Variants in PLSCR3 observed in about 807,000 individuals in gnomAD.
PLSCR3 encodes the protein PL scramblase 3.
Under a neutral mutation model 33.7 loss-of-function variants are expected in PLSCR3, and 17 were observed. The observed-to-expected ratio is 0.50, with a 90% confidence interval of 0.35 to 0.76. The LOEUF (loss-of-function observed/expected upper bound fraction) is 0.76. Among genes scored for constraint, PLSCR3 ranks in the 30% least tolerant of loss-of-function variants. The pLI, the probability that PLSCR3 is intolerant of heterozygous loss-of-function variation, is 0.01. For synonymous variants in PLSCR3, 166 were observed against 166.0 expected (o/e 1.00, Z 0.00); for missense variants, 360 against 394.1 (o/e 0.91, Z 0.73).
rs1010883625 is a variant in PLSCR3, at chr17:7,391,516, T to G, written c.670-721A>C. On this transcript the variant is annotated intron_variant, in intron 6 of 7. Transcript: ENST00000619711. This position sits in a 1 kb window ranked among gnomAD's most constrained non-coding sequence, Gnocchi z 4.1. ...TGACTTCCTGGTCCTTTTCCTGTGC[T>G]CGTTCTCCAGTGATTAGAACTGCAG... Among the ~76,000 whole-genome samples the G allele has an allele frequency of 1.1e-4, 16 of 152,236 alleles. No individual in the cohort carries two copies. Among genetic ancestry groups the G allele is most frequent in the African/African-American group, 3.9e-4 (16 of 41,462 alleles).
At position 7,390,249 on chromosome 17, in the gene PLSCR3, G is replaced by A; in HGVS notation, c.*136C>T. Reference sequence around the variant, plus strand: ...AACCACAGGGGCAGGCGGCCAGGGAGTAGGGTAGGGATGGGGCCCCCCTTC... The same window carrying A: ...AACCACAGGGGCAGGCGGCCAGGGAATAGGGTAGGGATGGGGCCCCCCTTC... On this transcript the variant is annotated 3_prime_UTR_variant, in exon 8 of 8. Transcript: ENST00000619711. 1 of 612,392 alleles carries A rather than the reference G, an allele frequency of 1.6e-6. No homozygotes were observed. Among genetic ancestry groups the A allele is most frequent in the South Asian group, 2.2e-5 (1 of 46,304 alleles). 37.9% of individuals were successfully genotyped at this position (612,392 alleles called of 1,614,324 possible).
Position 7,390,318 on chromosome 17 carries a change from G to T in PLSCR3, c.*67C>A. On this transcript the variant is annotated 3_prime_UTR_variant, in exon 8 of 8. Coordinates refer to ENST00000619711, the MANE Select transcript of PLSCR3 (RefSeq NM_020360.4). ...TGGAGGAAAGGGGCTGCCCAGAGGA[G>T]GGGCCAGGGCAGGTGACCATCTGGA... The T allele has an allele frequency of 8.0e-7, 1 of 1,250,306 alleles. No individual in the cohort carries two copies. The highest frequency in any genetic ancestry group is 2.3e-5 in the Admixed American group (1 of 43,192). 77.5% of individuals were successfully genotyped at this position (1,250,306 alleles called of 1,614,324 possible).
intron 5 of PLSCR3, 68 bp downstream of exon 5, chr17:7,393,076 C>T: frequency 3.4e-6 from 5 of 1,479,968 alleles, no homozygotes; most frequent in African/African-American, 1.4e-5. Flanking sequence ...CAGGCCTCAT[C>T]TCAGGTGGAC....
rs1905972972 is a variant in PLSCR3, at chr17:7,394,049, G to A, written c.7+55C>T. ...ATTCCGGGAGGATGTGTTCAAACCC[G>A]GCTCCCAAGTCCGTGGGGGGGATAA... On this transcript the variant is annotated intron_variant, in intron 2 of 7. Coordinates refer to ENST00000619711, the MANE Select transcript of PLSCR3 (RefSeq NM_020360.4). This position sits in a 1 kb window ranked among gnomAD's most constrained non-coding sequence, Gnocchi z 5.3. 3.1e-6 allele frequency: 5 copies of A among 1,592,744 alleles called. No homozygotes were observed. In the Admixed American group the frequency reaches 8.8e-5, roughly 28 times the overall value.
chr17:7,394,346 C>G lies in PLSCR3; in HGVS notation c.-157-79G>C, dbSNP rs1906005713. 2 of 506,788 alleles carry G rather than the reference C, an allele frequency of 3.9e-6. No homozygotes were observed. The highest frequency in any genetic ancestry group is 3.9e-5 in the African/African-American group (2 of 51,584). 31.4% of individuals were successfully genotyped at this position (506,788 alleles called of 1,614,324 possible). A position where few individuals can be genotyped will look rare whatever the true frequency, so the allele number is the denominator to read the frequency against. The stretch of plus-strand genomic sequence containing the variant: ...CTGGATTCCCTCGGGGGCCCCAGAA[C>G]CGCCCCCTCCCTTTGTTCTCCCATC... On this transcript the variant is annotated intron_variant, in intron 1 of 7. Transcript: ENST00000619711. This position sits in a 1 kb window ranked among gnomAD's most constrained non-coding sequence, Gnocchi z 5.3.
chr17:7,392,938 A>G lies in PLSCR3; in HGVS notation c.522T>C (p.Ala174=), dbSNP rs1356216228. ...CGTGGCCAATGGTGGTGCCTGGTGG[A>G]GCCTGTACTTCCATCTGGGAGTGGG... The part of the protein sequence containing the change: ...PCGLQEMEVQ[A]PPGTTIGHVL... Residue 174 remains alanine, a synonymous_variant, in exon 6 of 8, where the codon GCT becomes GCC. Transcript: ENST00000619711. 2 of 1,612,550 alleles carry G rather than the reference A, an allele frequency of 1.2e-6. No homozygotes were observed. The highest frequency in any genetic ancestry group is 2.7e-5 in the African/African-American group (2 of 74,868).
intron 6 of PLSCR3, 111 bp from the exon 7 acceptor site, chr17:7,390,906 T>G: frequency 1.9e-6 from 2 of 1,058,574 alleles, no homozygotes; most frequent in South Asian, 2.8e-5. Context: ...CTCCACTCAG[T>G]GAATCTTCCC....
At position 7,391,923 on chromosome 17, in the gene PLSCR3, C is replaced by A. The variant is rs1175887353; in HGVS notation, c.669+868G>T. ...AGGGTCGGTCAGGTGCGGTGGCTCACGCCTGTAATCCCAGCACTTTGGGAG... is the reference window on the plus strand; with the variant it reads ...AGGGTCGGTCAGGTGCGGTGGCTCAAGCCTGTAATCCCAGCACTTTGGGAG... On this transcript the variant is annotated intron_variant, in intron 6 of 7. Transcript: ENST00000619711. This position sits in a 1 kb window ranked among gnomAD's most constrained non-coding sequence, Gnocchi z 4.1. Among the ~76,000 whole-genome samples, 1 of 152,206 alleles carries A rather than the reference C, an allele frequency of 6.6e-6. No homozygotes were observed. The highest frequency in any genetic ancestry group is 1.5e-5 in the Non-Finnish European group (1 of 68,040).
Position 7,394,458 on chromosome 17 carries a change from C to G in PLSCR3, c.-158+19G>C. 1 of 232,694 alleles carries G rather than the reference C, an allele frequency of 4.3e-6. No individual in the cohort carries two copies. Among genetic ancestry groups the G allele is most frequent in the African/African-American group, 2.2e-5 (1 of 44,480 alleles). 14.4% of individuals were successfully genotyped at this position (232,694 alleles called of 1,614,324 possible). A position where few individuals can be genotyped will look rare whatever the true frequency, so the allele number is the denominator to read the frequency against. ...CACCCCAAGGGCGGTCTCCCTGACCCCTCTGTGCCCCCGCTCACCTGGAGC... is the reference window on the plus strand; with the variant it reads ...CACCCCAAGGGCGGTCTCCCTGACCGCTCTGTGCCCCCGCTCACCTGGAGC... On this transcript the variant is annotated intron_variant, in intron 1 of 7. Coordinates refer to ENST00000619711, the MANE Select transcript of PLSCR3 (RefSeq NM_020360.4). This position sits in a 1 kb window ranked among gnomAD's most constrained non-coding sequence, Gnocchi z 5.3.
In PLSCR3 at chr17:7,391,427, A is replaced by G. The variant is rs943049612; in HGVS notation, c.670-632T>C. ...CAGTAAGTAGCCTTTGAGGACCACA[A>G]TTTCCACTGGCTTCTCTGAGCCACA... On this transcript the variant is annotated intron_variant, in intron 6 of 7. Coordinates refer to ENST00000619711, the MANE Select transcript of PLSCR3 (RefSeq NM_020360.4). This position sits in a 1 kb window ranked among gnomAD's most constrained non-coding sequence, Gnocchi z 4.1. Among the ~76,000 whole-genome samples, 2 of 152,168 alleles carry G rather than the reference A, an allele frequency of 1.3e-5. No individual in the cohort carries two copies. Among genetic ancestry groups the G allele is most frequent in the African/African-American group, 4.8e-5 (2 of 41,444 alleles).
rs78740808 is a variant in PLSCR3 at position 7,389,984 on chromosome 17, G to A, written c.*401C>T. The A allele has an allele frequency of 8.0e-3, 1,344 of 167,864 alleles. 14 individuals are homozygous for A. Among genetic ancestry groups the A allele is most frequent in the African/African-American group, 0.03 (1,273 of 41,970 alleles). The allele number at this position is 167,864 out of a possible 1,614,324, so 10.4% of individuals were successfully genotyped here. A position where few individuals can be genotyped will look rare whatever the true frequency, so the allele number is the denominator to read the frequency against. ...GGCCAAGCAGATGCTAGGCAGCGGCGGGGGGGCGGTGGCTATATCCACCGT... is the reference window on the plus strand; with the variant it reads ...GGCCAAGCAGATGCTAGGCAGCGGCAGGGGGGCGGTGGCTATATCCACCGT... On this transcript the variant is annotated 3_prime_UTR_variant, in exon 8 of 8. Transcript: ENST00000619711.
rs1489946127 is a variant in PLSCR3 at position 7,391,860 on chromosome 17, C to T, written c.669+931G>A. 6.6e-6 allele frequency among the ~76,000 whole-genome samples: 1 copy of T among 152,196 alleles called. No individual in the cohort carries two copies. The highest frequency in any genetic ancestry group is 2.4e-5 in the African/African-American group (1 of 41,444). ...CTACTGGATTATACCTGTTGTTTCT[C>T]CCTTATCTGCACAAGCAATTATCCC... On this transcript the variant is annotated intron_variant, in intron 6 of 7. Transcript: ENST00000619711. This position sits in a 1 kb window ranked among gnomAD's most constrained non-coding sequence, Gnocchi z 4.1.
At chr17:7,392,651 G>A (rs1597693144) in intron 6 of PLSCR3, 140 bp downstream of exon 6, 3 of 781,268 alleles carry the variant, frequency 3.8e-6, no homozygotes, top group Admixed American at 1.8e-5. Context: ...CCAAATGGAG[G>A]AATGCTACAA....
intron 7 of PLSCR3, 94 bp from the exon 8 acceptor site, chr17:7,390,535 T>C (rs1246008982): frequency 1.3e-6 from 2 of 1,566,034 alleles, no homozygotes; most frequent in Admixed American, 3.4e-5. Context: ...CCACAACACC[T>C]ATTCCTGACT....
intron 6 of PLSCR3, 144 bp from the exon 7 acceptor site, chr17:7,390,939 G>A (rs539464295): frequency 8.7e-6 from 7 of 806,810 alleles, no homozygotes; most frequent in Admixed American, 7.0e-5. Context: ...CCGAGTGATC[G>A]CTTTCCTAAC....
At chr17:7,393,412 A>G (rs1567652595) in intron 4 of PLSCR3, 48 bp from the exon 5 acceptor site, 2 of 1,612,624 alleles carry the variant, frequency 1.2e-6, no homozygotes, top group South Asian at 1.1e-5. Context: ...CGCGCCCAGG[A>G]GCCCACCATC....
chr17:7,390,315 G>T lies in PLSCR3; in HGVS notation c.*70C>A. 3 of 1,227,470 alleles carry T rather than the reference G, an allele frequency of 2.4e-6. No individual in the cohort carries two copies. The highest frequency in any genetic ancestry group is 2.3e-6 in the Non-Finnish European group (2 of 874,458). The allele number at this position is 1,227,470 out of a possible 1,614,324, so 76.0% of individuals were successfully genotyped here. The stretch of plus-strand genomic sequence containing the variant: ...ACATGGAGGAAAGGGGCTGCCCAGA[G>T]GAGGGGCCAGGGCAGGTGACCATCT... On this transcript the variant is annotated 3_prime_UTR_variant, in exon 8 of 8. Coordinates refer to ENST00000619711, the MANE Select transcript of PLSCR3 (RefSeq NM_020360.4).
At chr17:7,392,652 A>C in intron 6 of PLSCR3, 139 bp downstream of exon 6, 2 of 781,268 alleles carry the variant, frequency 2.6e-6, no homozygotes, top group Non-Finnish European at 4.5e-6. Flanking sequence ...CAAATGGAGG[A>C]ATGCTACAAA....
chr17:7,390,746 C>G lies in PLSCR3; in HGVS notation c.719G>C (p.Trp240Ser), dbSNP rs200758933. The G allele has an allele frequency of 2.2e-5, 36 of 1,614,058 alleles. No homozygotes were observed. Among genetic ancestry groups the G allele is most frequent in the African/African-American group, 5.3e-5 (4 of 74,930 alleles). The change falls in exon 7 of 8, where the codon TGG becomes TCG. Residue 240 changes from tryptophan (W) to serine (S), a missense_variant. Physicochemically the swap from Trp to Ser is radical, Grantham distance 177 (BLOSUM62 -3). Coordinates refer to ENST00000619711, the MANE Select transcript of PLSCR3 (RefSeq NM_020360.4). ...GAGGGCTTCTCGGACCAGGCCCCCC[C>G]ACTGCTTGCTGATGCGGCCCACACT... ...SRSVGRISKQ[W>S]GGLVREALTD...
Sources: gnomAD v4.1 joint callset for allele counts (sites outside exome capture counted in the v4.1 genomes callset) on GRCh38, gnomAD v4.1.1 for gene constraint, Gnocchi (gnomAD v3.1) non-coding constraint, MANE v1.5 for transcripts, NCBI Gene and HGNC (gene_info 2026-07-23, HGNC 2026-07-21) for gene names.